The following PARD3B variants were observed in gnomAD, a reference collection of about 807,000 sequenced individuals.
The protein encoded by PARD3B is partitioning defective 3 homolog B.
Under a neutral mutation model 130.2 loss-of-function variants are expected in PARD3B, and 103 were observed. That is an observed-to-expected ratio of 0.79 (90% CI 0.67 to 0.93). PARD3B has a LOEUF of 0.93. PARD3B is among the 40% of genes least tolerant of loss of function. The pLI, the probability that PARD3B is intolerant of heterozygous loss-of-function variation, is 0.00. For missense variants in PARD3B, 1,609 were observed against 1,499.2 expected (o/e 1.07, Z -1.21); for synonymous variants, 583 against 553.2 (o/e 1.05, Z -0.76).
At chr2:204,639,627 G>A (rs1235013433) in intron 1 of PARD3B, among the ~76,000 whole-genome samples, 2 of 152,162 alleles carry the variant, frequency 1.3e-5, no homozygotes, top group African/African-American at 2.4e-5. Flanking sequence ...ATCTAGAGAT[G>A]ATTTAAAACT....
intron 2 of PARD3B, among the ~76,000 whole-genome samples, chr2:204,893,425 C>A (rs2046521474): frequency 1.3e-5 from 2 of 151,874 alleles, no homozygotes; most frequent in Non-Finnish European, 1.5e-5. Context: ...TATGAGATGA[C>A]CACAAGTATA....
intron 14 of PARD3B, 27 bp from the exon 15 acceptor site, chr2:205,193,178 A>T (rs1343699046): frequency 6.7e-7 from 1 of 1,498,370 alleles, no homozygotes. Flanking sequence ...TCTAAACCTA[A>T]ATACAACATA....
intron 11 of PARD3B, among the ~76,000 whole-genome samples, chr2:205,169,781 G>A (rs1293576381): frequency 1.3e-5 from 2 of 152,086 alleles, no homozygotes; most frequent in East Asian, 3.9e-4. Context: ...CCACACATCA[G>A]TCTCCAGTCA....
intron 2 of PARD3B, among the ~76,000 whole-genome samples, chr2:204,870,255 T>C (rs543595003): frequency 1.1e-4 from 17 of 152,298 alleles, no homozygotes; most frequent in African/African-American, 4.1e-4. Flanking sequence ...AATAAAGTGC[T>C]GAGCATGACA....
Position 205,091,337 on chromosome 2 carries a change from C to A in PARD3B, c.505-13089C>A, listed in dbSNP as rs779636430. On this transcript the variant is annotated intron_variant, in intron 4 of 22. Coordinates refer to ENST00000406610, the MANE Select transcript of PARD3B (RefSeq NM_001302769.2). The surrounding 1 kb of genome is among the most constrained non-coding windows in gnomAD (Gnocchi z 4.2). ...CGTGGCACAAACTGCATCATTTACA[C>A]TGGGAGGTTTGTATGTGGAGTGATG... Among the ~76,000 whole-genome samples, 2 of 152,114 alleles carry A rather than the reference C, an allele frequency of 1.3e-5. No individual in the cohort carries two copies. The highest frequency in any genetic ancestry group is 4.8e-5 in the African/African-American group (2 of 41,408).
At chr2:205,494,039 C>T (rs555228618) in intron 20 of PARD3B, among the ~76,000 whole-genome samples, 1 of 152,110 alleles carries the variant, frequency 6.6e-6, no homozygotes, top group Non-Finnish European at 1.5e-5. Flanking sequence ...GGATTACAGG[C>T]GTGAGCCACC....
At chr2:205,234,761 A>G (rs2038989369) in intron 15 of PARD3B, among the ~76,000 whole-genome samples, 1 of 152,190 alleles carries the variant, frequency 6.6e-6, no homozygotes, top group South Asian at 2.1e-4. Flanking sequence ...CACATAGAAC[A>G]TTTAACAGGA....
At chr2:205,143,172 CAT>C (rs954625507) in intron 10 of PARD3B, among the ~76,000 whole-genome samples, 4 of 152,162 alleles carry the variant, frequency 2.6e-5, no homozygotes, top group African/African-American at 9.7e-5. Flanking sequence ...TATATACACA[CAT>C]GAAATGTGTT....
At chr2:205,225,619 T>C (rs2125882623) in intron 15 of PARD3B, among the ~76,000 whole-genome samples, 1 of 152,304 alleles carries the variant, frequency 6.6e-6, no homozygotes, top group East Asian at 1.9e-4. Context: ...TTCTGCAGGC[T>C]GTACAAGAAG....
chr2:205,391,696 A>G (rs910223142), intron 18 of PARD3B, among the ~76,000 whole-genome samples: 1 of 152,252 alleles, frequency 6.6e-6, no homozygotes, highest in Non-Finnish European at 1.5e-5. Flanking sequence ...TCTGGAAAGC[A>G]GAGGGGTAGA....
At chr2:205,369,228 A>T (rs13024741) in intron 18 of PARD3B, among the ~76,000 whole-genome samples, 3 of 152,030 alleles carry the variant, frequency 2.0e-5, no homozygotes, top group African/African-American at 7.2e-5. Context: ...TATCATGGAC[A>T]AATTGTGAGT....
intron 19 of PARD3B, among the ~76,000 whole-genome samples, chr2:205,425,568 AC>A (rs1323829972): frequency 4.8e-4 from 66 of 137,554 alleles, no homozygotes; most frequent in South Asian, 1.7e-3. Flanking sequence ...AAAAAAAAAA[AC>A]AACAACATTT....
chr2:204,677,111 C>A lies in PARD3B; in HGVS notation c.121-9070C>A. Reference sequence around the variant, plus strand: ...AGTTGGATTGGAGATCTCCTATGGTCATTTAACTCTCTGCTGTTACCTCTG... The same window carrying A: ...AGTTGGATTGGAGATCTCCTATGGTAATTTAACTCTCTGCTGTTACCTCTG... On this transcript the variant is annotated intron_variant, in intron 1 of 22. Coordinates refer to ENST00000406610, the MANE Select transcript of PARD3B (RefSeq NM_001302769.2). The surrounding 1 kb of genome is among the most constrained non-coding windows in gnomAD (Gnocchi z 4.1). Among the ~76,000 whole-genome samples the A allele has an allele frequency of 6.6e-6, 1 of 152,176 alleles. No homozygotes were observed. Among genetic ancestry groups the A allele is most frequent in the Non-Finnish European group, 1.5e-5 (1 of 68,022 alleles).
At chr2:205,231,068 G>A (rs549497895) in intron 15 of PARD3B, among the ~76,000 whole-genome samples, 1 of 152,190 alleles carries the variant, frequency 6.6e-6, no homozygotes, top group African/African-American at 2.4e-5. Flanking sequence ...ATCCCCTTCA[G>A]TGCCTTTTTC....
At chr2:205,135,090 G>A (rs1232596069) in intron 10 of PARD3B, among the ~76,000 whole-genome samples, 3 of 152,190 alleles carry the variant, frequency 2.0e-5, no homozygotes. Flanking sequence ...TGCTTCTGGA[G>A]ACTGGAGAAA....
intron 2 of PARD3B, among the ~76,000 whole-genome samples, chr2:204,930,580 A>T (rs1687957318): frequency 6.6e-6 from 1 of 152,004 alleles, no homozygotes; most frequent in South Asian, 2.1e-4. Flanking sequence ...TAAGTCAATA[A>T]CCCTAACTTC....
intron 10 of PARD3B, among the ~76,000 whole-genome samples, chr2:205,126,438 C>T (rs1241074537): frequency 6.6e-6 from 1 of 151,936 alleles, no homozygotes; most frequent in East Asian, 1.9e-4. Context: ...AGATAGCTTG[C>T]CAGTGAAATA....
intron 2 of PARD3B, among the ~76,000 whole-genome samples, chr2:204,793,734 C>T (rs1454970989): frequency 2.0e-5 from 3 of 152,030 alleles, no homozygotes; most frequent in Non-Finnish European, 4.4e-5. Flanking sequence ...GTCTTGAACT[C>T]CTGACTTCAT....
chr2:205,277,995 G>T (rs1312451995), intron 16 of PARD3B, among the ~76,000 whole-genome samples: 2 of 152,154 alleles, frequency 1.3e-5, no homozygotes, highest in Non-Finnish European at 2.9e-5. Context: ...GACCAAGAAG[G>T]AATAAATATA....
Sources: allele counts gnomAD v4.1 joint callset (sites outside exome capture counted in the v4.1 genomes callset), GRCh38; gene constraint gnomAD v4.1.1; non-coding constraint Gnocchi (gnomAD v3.1); transcripts MANE v1.5; gene names NCBI Gene and HGNC (gene_info 2026-07-23, HGNC 2026-07-21).